Variants in KLHL1 observed in about 807,000 individuals in gnomAD.
KLHL1 encodes kelch like family member 1, also known as kelch-like protein 1.
KLHL1 carries 47 observed loss-of-function variants against 77.7 expected under a neutral mutation model. The ratio of observed to expected loss-of-function variants is 0.60; its 90% CI spans 0.48 to 0.77. KLHL1 has a LOEUF of 0.77. Ranked by LOEUF, KLHL1 falls within the 30% of genes least tolerant of loss-of-function variation. The pLI is 0.00. For missense variants in KLHL1, 925 were observed against 910.8 expected (o/e 1.02, Z -0.20); for synonymous variants, 360 against 325.2 (o/e 1.11, Z -1.15).
intron 7 of KLHL1, among the ~76,000 whole-genome samples, chr13:69,789,322 T>C (rs1248329292): frequency 1.3e-5 from 2 of 150,280 alleles, no homozygotes; most frequent in African/African-American, 4.9e-5. Flanking sequence ...TAAGTCTTAT[T>C]TAATAAATTA....
At chr13:69,824,016 A>G (rs942304642) in intron 6 of KLHL1, among the ~76,000 whole-genome samples, 1 of 151,972 alleles carries the variant, frequency 6.6e-6, no homozygotes, top group Non-Finnish European at 1.5e-5. Context: ...ATATATATGT[A>G]TATAATAGTC....
chr13:69,707,056 C>T (rs985355181), intron 10 of KLHL1, among the ~76,000 whole-genome samples: 1 of 151,976 alleles, frequency 6.6e-6, no homozygotes, highest in African/African-American at 2.4e-5. Context: ...AGTGAGCACT[C>T]ACTACATGAC....
chr13:69,731,887 C>T (rs933367297), intron 8 of KLHL1, among the ~76,000 whole-genome samples: 1 of 151,628 alleles, frequency 6.6e-6, no homozygotes, highest in Admixed American at 6.6e-5. Context: ...AATAGAAAAA[C>T]AAAGTAAAAC....
intron 4 of KLHL1, among the ~76,000 whole-genome samples, chr13:69,939,378 T>TATACACACACAC (rs1200160699): frequency 1.1e-4 from 8 of 70,820 alleles, no homozygotes; most frequent in African/African-American, 2.5e-4. Flanking sequence ...TATATATATA[T>TATACACACACAC]ACACACACAC....
chr13:69,868,889 T>C (rs2138169721), intron 5 of KLHL1, among the ~76,000 whole-genome samples: 1 of 152,222 alleles, frequency 6.6e-6, no homozygotes, highest in Non-Finnish European at 1.5e-5. Context: ...AAAAAAGTAG[T>C]ATAGTACAAG....
chr13:69,711,971 G>A (rs1875897526), intron 9 of KLHL1, among the ~76,000 whole-genome samples: 1 of 152,068 alleles, frequency 6.6e-6, no homozygotes, highest in Non-Finnish European at 1.5e-5. Context: ...GACGACTAAT[G>A]CCATCCAATC....
chr13:69,911,464 A>G (rs998655354), intron 4 of KLHL1, among the ~76,000 whole-genome samples: 38 of 151,862 alleles, frequency 2.5e-4, no homozygotes, highest in African/African-American at 7.5e-4. Context: ...TAAGCAAGCT[A>G]TTAGGGGTTA....
At chr13:69,940,705 T>C (rs1444847875) in intron 3 of KLHL1, among the ~76,000 whole-genome samples, 1 of 151,168 alleles carries the variant, frequency 6.6e-6, no homozygotes, top group Non-Finnish European at 1.5e-5. Flanking sequence ...CTTAACCCAC[T>C]GTACTCATGT....
intron 1 of KLHL1, among the ~76,000 whole-genome samples, chr13:70,012,091 G>T (rs75949187): frequency 0.018 from 2,756 of 152,128 alleles, 100 homozygotes; most frequent in African/African-American, 0.062. Context: ...CCACCCCCAT[G>T]ATTCCATTAT....
At chr13:69,744,676 C>A (rs2137936783) in intron 7 of KLHL1, among the ~76,000 whole-genome samples, 1 of 151,726 alleles carries the variant, frequency 6.6e-6, no homozygotes, top group South Asian at 2.1e-4. Flanking sequence ...CAAAAGCTAA[C>A]CGTATTTTTT....
intron 5 of KLHL1, among the ~76,000 whole-genome samples, chr13:69,845,028 G>A (rs1879406768): frequency 6.6e-6 from 1 of 151,606 alleles, no homozygotes; most frequent in Non-Finnish European, 1.5e-5. Flanking sequence ...ACTAGAACTT[G>A]CCCTTCAACA....
Position 69,982,759 on chromosome 13 carries a change from G to T in KLHL1, c.498-6957C>A, listed in dbSNP as rs115597291. ...TATAATAGTTATATCAGATAAAATA[G>T]ACTTTAAGACAAAAAGGAAGAAAAT... On this transcript the variant is annotated intron_variant, in intron 1 of 10. Coordinates refer to ENST00000377844, the MANE Select transcript of KLHL1 (RefSeq NM_020866.3). 6.3e-3 allele frequency among the ~76,000 whole-genome samples: 962 copies of T among 151,928 alleles called. 9 individuals are homozygous for T. The highest frequency in any genetic ancestry group is 0.022 in the African/African-American group (902 of 41,486).
chr13:69,775,903 A>G (rs1875804205), intron 7 of KLHL1, among the ~76,000 whole-genome samples: 1 of 152,060 alleles, frequency 6.6e-6, no homozygotes, highest in Admixed American at 6.6e-5. Flanking sequence ...CTGTAATCCC[A>G]GCACTTTGAG....
chr13:70,026,838 GA>G (rs1037591921), intron 1 of KLHL1, among the ~76,000 whole-genome samples: 1 of 147,622 alleles, frequency 6.8e-6, no homozygotes, highest in African/African-American at 2.4e-5. Context: ...AGTGAAAAGG[GA>G]AAACAAAGTA....
intron 1 of KLHL1, among the ~76,000 whole-genome samples, chr13:70,051,236 G>T (rs76778170): frequency 2.0e-5 from 3 of 151,856 alleles, no homozygotes; most frequent in Non-Finnish European, 4.4e-5. Context: ...TTATTTAATC[G>T]TAATTAGTAA....
rs886376724 is a variant in KLHL1, at chr13:69,739,427, T to G, written c.1802+967A>C. Among the ~76,000 whole-genome samples the G allele has an allele frequency of 4.9e-4, 75 of 152,312 alleles. 1 individual carries two copies. Among genetic ancestry groups the G allele is most frequent in the African/African-American group, 1.7e-3 (71 of 41,562 alleles). On this transcript the variant is annotated intron_variant, in intron 8 of 10. Transcript: ENST00000377844. ...ATATTAACCTTGAATGTAAATGGGC[T>G]AAATGCCCCAATTAAAAGACACAGA...
At chr13:69,740,314 T>A in intron 8 of KLHL1, 80 bp downstream of exon 8, 1 of 972,898 alleles carries the variant, frequency 1.0e-6, no homozygotes, top group Non-Finnish European at 1.5e-6. Flanking sequence ...TTTACCAGCT[T>A]ATTAAAACTT....
intron 4 of KLHL1, among the ~76,000 whole-genome samples, chr13:69,936,719 T>C (rs569599460): frequency 2.0e-5 from 3 of 151,986 alleles, no homozygotes; most frequent in South Asian, 4.2e-4. Context: ...GAATAGAGAA[T>C]TGAAGGTTTA....
At chr13:69,739,292 G>A (rs139493477) in intron 8 of KLHL1, among the ~76,000 whole-genome samples, 53 of 152,246 alleles carry the variant, frequency 3.5e-4, no homozygotes, top group South Asian at 2.1e-4. Context: ...CAGCCGCAAC[G>A]AAAACACACT....
Sources: allele counts gnomAD v4.1 joint callset (sites outside exome capture counted in the v4.1 genomes callset), GRCh38; gene constraint gnomAD v4.1.1; transcripts MANE v1.5; gene names NCBI Gene and HGNC (gene_info 2026-07-23, HGNC 2026-07-21).